CFAP96: variants seen among roughly 807,000 people sequenced by gnomAD.
The protein encoded by CFAP96 is cilia-and flagella-associated protein 96.
the CFAP96 span, chr4:185,432,295 A>G: frequency 8.4e-6 from 8 of 948,708 alleles, no homozygotes; most frequent in African/African-American, 1.3e-4. Context: ...CTTATGTAAG[A>G]TGAATTTTTA....
chr4:185,440,342 C>T, the CFAP96 span, among the ~76,000 whole-genome samples: 2 of 152,010 alleles, frequency 1.3e-5, no homozygotes, highest in Non-Finnish European at 2.9e-5. Flanking sequence ...AATGAATAAG[C>T]ATAGTTCTGT....
the CFAP96 span, among the ~76,000 whole-genome samples, chr4:185,421,226 G>C: frequency 1.3e-5 from 2 of 152,322 alleles, no homozygotes; most frequent in South Asian, 4.1e-4. Context: ...TAGTTGAAGG[G>C]ATGGGTGGAA....
the CFAP96 span, among the ~76,000 whole-genome samples, chr4:185,438,647 G>A: frequency 8.2e-3 from 1,243 of 152,202 alleles, 8 homozygotes; most frequent in African/African-American, 0.023. Flanking sequence ...ATTTTACTTC[G>A]TTGAGTGCTG....
At chr4:185,432,014 CA>C in the CFAP96 span, 2 of 1,551,450 alleles carry the variant, frequency 1.3e-6, no homozygotes, top group Non-Finnish European at 1.7e-6. Context: ...CAAAAATAAA[CA>C]GATGCTACCT....
At chr4:185,444,632 A>G in the CFAP96 span, among the ~76,000 whole-genome samples, 1 of 152,110 alleles carries the variant, frequency 6.6e-6, no homozygotes, top group Non-Finnish European at 1.5e-5. Flanking sequence ...ATCAAAATAC[A>G]TCTGACCTAG....
At chr4:185,422,491 G>A in the CFAP96 span, 10 of 1,609,070 alleles carry the variant, frequency 6.2e-6, no homozygotes, top group Non-Finnish European at 8.5e-6. Context: ...CTACCATTAG[G>A]AGTAGCTAGC....
the CFAP96 span, among the ~76,000 whole-genome samples, chr4:185,428,221 G>A: frequency 6.6e-6 from 1 of 151,946 alleles, no homozygotes; most frequent in African/African-American, 2.4e-5. Context: ...TGGGATAGAG[G>A]TAAGTATTCT....
chr4:185,427,642 C>A, the CFAP96 span, among the ~76,000 whole-genome samples: 3 of 151,698 alleles, frequency 2.0e-5, no homozygotes, highest in Non-Finnish European at 4.4e-5. Flanking sequence ...TGCCCGTAGT[C>A]CCAGCTACCT....
At chr4:185,425,718 C>T in the CFAP96 span, 5 of 1,250,284 alleles carry the variant, frequency 4.0e-6, no homozygotes, top group African/African-American at 7.4e-5. Context: ...GACAGGCGAA[C>T]TGGAGAGCCG....
the CFAP96 span, among the ~76,000 whole-genome samples, chr4:185,446,362 T>C: frequency 9.2e-5 from 14 of 152,290 alleles, no homozygotes; most frequent in East Asian, 2.7e-3. Flanking sequence ...ACTTTGATAA[T>C]TTGGGGTGCT....
chr4:185,418,816 C>CA, the CFAP96 span: 1 of 1,447,602 alleles, frequency 6.9e-7, no homozygotes. Flanking sequence ...ACAAATTTTT[C>CA]AACATGAATG....
the CFAP96 span, among the ~76,000 whole-genome samples, chr4:185,439,969 G>GTA: frequency 4.2e-5 from 6 of 141,222 alleles, no homozygotes; most frequent in East Asian, 4.1e-4. Context: ...ATACATATAT[G>GTA]TATATGTGTA....
At chr4:185,411,263 G>A in the CFAP96 span, among the ~76,000 whole-genome samples, 2 of 151,716 alleles carry the variant, frequency 1.3e-5, no homozygotes, top group Non-Finnish European at 2.9e-5. Context: ...AACTAAATTG[G>A]TTACTAAAAA....
the CFAP96 span, among the ~76,000 whole-genome samples, chr4:185,429,041 A>C: frequency 6.6e-6 from 1 of 152,260 alleles, no homozygotes; most frequent in East Asian, 1.9e-4. Context: ...CCGTACAGTA[A>C]TAATTTTATC....
the CFAP96 span, chr4:185,436,084 C>A: frequency 6.4e-7 from 1 of 1,550,748 alleles, no homozygotes; most frequent in Non-Finnish European, 8.7e-7. Flanking sequence ...ATAGGTGGTC[C>A]AGTCCCATTT....
At chr4:185,441,000 C>T in the CFAP96 span, among the ~76,000 whole-genome samples, 1 of 150,908 alleles carries the variant, frequency 6.6e-6, no homozygotes, top group South Asian at 2.1e-4. Context: ...CCCGGGCTGG[C>T]AGTGCAGTGG....
At chr4:185,439,844 TACA>T in the CFAP96 span, among the ~76,000 whole-genome samples, 1 of 148,206 alleles carries the variant, frequency 6.7e-6, no homozygotes. Context: ...ATCTCATATA[TACA>T]TATAAAATGT....
the CFAP96 span, among the ~76,000 whole-genome samples, chr4:185,447,602 C>T: frequency 6.6e-6 from 1 of 152,304 alleles, no homozygotes; most frequent in South Asian, 2.1e-4. Context: ...CTACAGAATG[C>T]TGTGTGTATT....
At chr4:185,433,898 AAAAAC>A in the CFAP96 span, among the ~76,000 whole-genome samples, 2 of 150,944 alleles carry the variant, frequency 1.3e-5, no homozygotes, top group South Asian at 4.2e-4. Context: ...ACTCTGTCTC[AAAAAC>A]AAAACAACAA....
Sources: gnomAD v4.1 joint callset for allele counts (sites outside exome capture counted in the v4.1 genomes callset) on GRCh38, gnomAD v4.1.1 for gene constraint, MANE v1.5 for transcripts, NCBI Gene and HGNC (gene_info 2026-07-23, HGNC 2026-07-21) for gene names.